RAPGEF2: variants seen among roughly 807,000 people sequenced by gnomAD.
RAPGEF2 encodes Rap guanine nucleotide exchange factor 2.
Under a neutral mutation model 186.7 loss-of-function variants are expected in RAPGEF2, and 54 were observed. That is an observed-to-expected ratio of 0.29 (90% CI 0.23 to 0.36). RAPGEF2 has a LOEUF of 0.36. Among genes scored for constraint, RAPGEF2 ranks in the 10% least tolerant of loss-of-function variants. The pLI is 1.00. For missense variants in RAPGEF2, 1,532 were observed against 2,045.0 expected (o/e 0.75, Z 4.84); for synonymous variants, 712 against 705.9 (o/e 1.01, Z -0.14).
intron 7 of RAPGEF2, chr4:159,268,323 TATA>T: frequency 1.1e-6 from 1 of 893,370 alleles, no homozygotes; most frequent in Non-Finnish European, 1.8e-6. Context: ...TTGTAGAAGG[TATA>T]GTAGTCTGCT....
At chr4:159,322,610 A>T in intron 10 of RAPGEF2, 127 bp downstream of exon 10, 1 of 712,080 alleles carries the variant, frequency 1.4e-6, no homozygotes, top group South Asian at 2.0e-5. Flanking sequence ...GAATAATTCA[A>T]GAATTATGGT....
intron 25 of RAPGEF2, among the ~76,000 whole-genome samples, chr4:159,349,499 CTCA>C (rs1730868548): frequency 1.5e-5 from 1 of 66,878 alleles, no homozygotes; most frequent in Non-Finnish European, 5.1e-5. Context: ...GTGGTGCTGG[CTCA>C]CTTCCTTCTT....
intron 19 of RAPGEF2, among the ~76,000 whole-genome samples, chr4:159,340,115 A>G (rs1227983412): frequency 6.6e-6 from 1 of 152,230 alleles, no homozygotes; most frequent in Admixed American, 6.5e-5. Flanking sequence ...GCTACACTCA[A>G]AATTAAGTAG....
intron 1 of RAPGEF2, among the ~76,000 whole-genome samples, chr4:159,180,038 G>A (rs141975577): frequency 6.6e-6 from 1 of 152,252 alleles, no homozygotes; most frequent in Non-Finnish European, 1.5e-5. Context: ...CTGGTGAGAA[G>A]GTAGAAAAAA....
Position 159,103,415 on chromosome 4 carries a change from A to T in RAPGEF2, c.-748A>T, listed in dbSNP as rs548516641. 16 of 156,798 alleles carry T rather than the reference A, an allele frequency of 1.0e-4. No individual in the cohort carries two copies. The South Asian group carries it at 2.5e-3, about 24-fold the overall frequency. The allele number at this position is 156,798 out of a possible 1,614,324, so 9.7% of individuals were successfully genotyped here. On this transcript the variant is annotated 5_prime_UTR_variant, in exon 1 of 30. Coordinates refer to ENST00000691494, the MANE Select transcript of RAPGEF2 (RefSeq NM_001394067.2). ...GGGAGGCGGCGGCGGCGGAGCCCAC[A>T]GCGGCGGCCCGAGCAGCAGAGGCGG...
rs1260213820 is a variant in RAPGEF2, at chr4:159,344,244, A to C, written c.3278+185A>C. On this transcript the variant is annotated intron_variant, in intron 23 of 29. Transcript: ENST00000691494. ...AATCTGTTGGGGCTTTTGCTTTTGA[A>C]GTCATGATCCATGAGAGCTGTGAAA... Among the ~76,000 whole-genome samples, 4 of 152,208 alleles carry C rather than the reference A, an allele frequency of 2.6e-5. No homozygotes were observed. The East Asian group carries it at 7.7e-4, about 29-fold the overall frequency.
At chr4:159,192,170 G>A (rs768533852) in intron 2 of RAPGEF2, among the ~76,000 whole-genome samples, 3 of 152,168 alleles carry the variant, frequency 2.0e-5, no homozygotes, top group Non-Finnish European at 4.4e-5. Context: ...CATTGAAGAG[G>A]AATGTATGCT....
chr4:159,339,230 G>C lies in RAPGEF2; in HGVS notation c.2410G>C (p.Val804Leu), dbSNP rs1767892768. The part of the protein sequence containing the change: ...VVIQAIREFA[V>L]TATPDQYSLC... Reference sequence around the variant, plus strand: ...CATTCAGGCTATCAGGGAGTTTGCTGTTACTGCCACCCCGGATCAATATTC... The same window carrying C: ...CATTCAGGCTATCAGGGAGTTTGCTCTTACTGCCACCCCGGATCAATATTC... Residue 804 changes from valine (V) to leucine (L), a missense_variant, in exon 19 of 30, where the codon GTT becomes CTT. This residue lies in a region of RAPGEF2 where 810 missense variants were observed against 1,210.5 expected (regional missense o/e 0.67). Transcript: ENST00000691494. The C allele has an allele frequency of 6.2e-7, 1 of 1,614,026 alleles. No homozygotes were observed. The highest frequency in any genetic ancestry group is 1.1e-5 in the South Asian group (1 of 91,090).
At chr4:159,284,481 GACACACACACACAC>G (rs36232973) in intron 7 of RAPGEF2, among the ~76,000 whole-genome samples, 4,415 of 140,396 alleles carry the variant, frequency 0.031, 143 homozygotes, top group African/African-American at 0.081. Flanking sequence ...CCGCCATGGA[GACACACACACACAC>G]ACACACACAC....
At chr4:159,346,458 C>A (rs1486842366) in intron 24 of RAPGEF2, among the ~76,000 whole-genome samples, 1 of 152,172 alleles carries the variant, frequency 6.6e-6, no homozygotes, top group Non-Finnish European at 1.5e-5. Context: ...TAGCTTTTAT[C>A]ACGTATTTGT....
At chr4:159,106,181 C>T (rs536644760) in intron 1 of RAPGEF2, among the ~76,000 whole-genome samples, 4 of 152,208 alleles carry the variant, frequency 2.6e-5, no homozygotes, top group Non-Finnish European at 5.9e-5. Flanking sequence ...GGAAGGCAGC[C>T]CATTTGCCCT....
intron 1 of RAPGEF2, among the ~76,000 whole-genome samples, chr4:159,185,499 C>T (rs932548118): frequency 2.0e-5 from 3 of 152,152 alleles, no homozygotes; most frequent in African/African-American, 2.4e-5. Context: ...AAGGAAAGTA[C>T]TGATACATGC....
intron 8 of RAPGEF2, among the ~76,000 whole-genome samples, chr4:159,309,598 C>A (rs964518528): frequency 6.6e-6 from 1 of 152,068 alleles, no homozygotes; most frequent in Admixed American, 6.6e-5. Flanking sequence ...AAAGGGTTAC[C>A]TTAGAAGCAG....
intron 1 of RAPGEF2, among the ~76,000 whole-genome samples, chr4:159,181,482 C>T (rs1747001109): frequency 6.6e-6 from 1 of 151,398 alleles, no homozygotes; most frequent in Admixed American, 6.6e-5. Context: ...CAGATTATGA[C>T]AGGTTGACAG....
At position 159,358,146 on chromosome 4, in the gene RAPGEF2, G is replaced by C; in HGVS notation, c.*7G>C. On this transcript the variant is annotated 3_prime_UTR_variant, in exon 30 of 30. Coordinates refer to ENST00000691494, the MANE Select transcript of RAPGEF2 (RefSeq NM_001394067.2). The stretch of plus-strand genomic sequence containing the variant: ...ACAAGTTTCTGCTGTTTGAGGCACA[G>C]ACTTTTCTGGAAGCAGAGCGAGCCA... 1 of 1,611,222 alleles carries C rather than the reference G, an allele frequency of 6.2e-7. No individual in the cohort carries two copies.
In RAPGEF2 at chr4:159,350,246, G is replaced by A. The variant is rs1314209716; in HGVS notation, c.3822G>A (p.Gln1274=). Residue 1274 remains glutamine, a synonymous_variant, in exon 26 of 30, where the codon CAG becomes CAA. Transcript: ENST00000691494. ...ATACAATATCAAATGCATCTTCGCAGCTTTCTTCTCCTCCTACTTCTCCAC... is the reference window on the plus strand; with the variant it reads ...ATACAATATCAAATGCATCTTCGCAACTTTCTTCTCCTCCTACTTCTCCAC... ...AEDTISNASS[Q]LSSPPTSPQS... 1 of 1,599,804 alleles carries A rather than the reference G, an allele frequency of 6.3e-7. No individual in the cohort carries two copies. Among genetic ancestry groups the A allele is most frequent in the African/African-American group, 1.3e-5 (1 of 74,502 alleles).
intron 7 of RAPGEF2, among the ~76,000 whole-genome samples, chr4:159,279,392 T>C (rs984293794): frequency 1.3e-5 from 2 of 152,210 alleles, no homozygotes; most frequent in African/African-American, 4.8e-5. Context: ...TTGTTTTCAG[T>C]GTGTCCTGTG....
intron 4 of RAPGEF2, among the ~76,000 whole-genome samples, chr4:159,237,768 G>C (rs1753438008): frequency 6.7e-6 from 1 of 148,962 alleles, no homozygotes; most frequent in East Asian, 2.0e-4. Context: ...GGAGGCAGAG[G>C]AGGGAAGATT....
At chr4:159,168,490 C>T (rs188239764) in intron 1 of RAPGEF2, among the ~76,000 whole-genome samples, 45 of 151,448 alleles carry the variant, frequency 3.0e-4, no homozygotes, top group African/African-American at 1.0e-3. Context: ...GACTAGATGC[C>T]GGGCAGCCAG....
Sources: gnomAD v4.1 joint callset for allele counts (sites outside exome capture counted in the v4.1 genomes callset) on GRCh38, gnomAD v4.1.1 for gene constraint, gnomAD v4.1.1 regional missense constraint, MANE v1.5 for transcripts, NCBI Gene and HGNC (gene_info 2026-07-23, HGNC 2026-07-21) for gene names.